EMB: variants seen among roughly 807,000 people sequenced by gnomAD.
EMB encodes the protein embigin, also known as embigin homolog.
Under a neutral mutation model 41.4 loss-of-function variants are expected in EMB, and 31 were observed. The ratio of observed to expected loss-of-function variants is 0.75; its 90% CI spans 0.56 to 1.01. EMB has a LOEUF of 1.01. Among genes scored for constraint, EMB ranks in the 50% least tolerant of loss-of-function variants. The pLI, the probability that EMB is intolerant of heterozygous loss-of-function variation, is 0.00. For synonymous variants in EMB, 137 were observed against 140.4 expected, an observed-to-expected ratio of 0.98 and a Z score of 0.17; for missense variants, 379 against 388.3, an observed-to-expected ratio of 0.98 and a Z score of 0.20.
chr5:50,422,560 A>G (rs935291192), intron 2 of EMB, among the ~76,000 whole-genome samples: 1 of 152,230 alleles, frequency 6.6e-6, no homozygotes, highest in African/African-American at 2.4e-5. Flanking sequence ...GCTGGCTAAC[A>G]GTACAAAATA....
chr5:50,440,738 C>A (rs1417982060), intron 1 of EMB, among the ~76,000 whole-genome samples: 3 of 152,060 alleles, frequency 2.0e-5, no homozygotes, highest in African/African-American at 7.2e-5. Context: ...CCACTGCCTT[C>A]TTCCTAGGAA....
Position 50,398,548 on chromosome 5 carries a change from T to C in EMB, c.*725A>G, listed in dbSNP as rs1273046310. 6.6e-6 allele frequency: 1 copy of C among 152,044 alleles called. No homozygotes were observed. The highest frequency in any genetic ancestry group is 1.5e-5 in the Non-Finnish European group (1 of 67,988). 9.4% of individuals were successfully genotyped at this position (152,044 alleles called of 1,614,324 possible). A position where few individuals can be genotyped will look rare whatever the true frequency, so the allele number is the denominator to read the frequency against. On this transcript the variant is annotated 3_prime_UTR_variant, in exon 9 of 9. Coordinates refer to ENST00000303221, the MANE Select transcript of EMB (RefSeq NM_198449.3). ...AAAACATAAACAATGGTGTACCTTA[T>C]GAAGTTAAAAACCCTATTTAAGACT...
chr5:50,437,523 T>C (rs972198342), intron 1 of EMB, among the ~76,000 whole-genome samples: 1 of 152,192 alleles, frequency 6.6e-6, no homozygotes, highest in Non-Finnish European at 1.5e-5. Context: ...TGGGTACTCA[T>C]GAATTCCCAT....
chr5:50,432,045 A>C (rs1745728653), intron 1 of EMB, among the ~76,000 whole-genome samples: 1 of 152,226 alleles, frequency 6.6e-6, no homozygotes, highest in Non-Finnish European at 1.5e-5. Flanking sequence ...AAAGGTATTA[A>C]GGTAACATTT....
intron 2 of EMB, among the ~76,000 whole-genome samples, chr5:50,423,136 A>G (rs1252021571): frequency 1.3e-5 from 2 of 152,094 alleles, no homozygotes; most frequent in Non-Finnish European, 2.9e-5. Context: ...ATGCAATATG[A>G]CTAGATCTCC....
At chr5:50,415,311 CA>C (rs1192564915) in intron 2 of EMB, among the ~76,000 whole-genome samples, 1 of 152,044 alleles carries the variant, frequency 6.6e-6, no homozygotes, top group East Asian at 1.9e-4. Flanking sequence ...GCAATTTAAG[CA>C]AAACTCAAAT....
At chr5:50,427,719 TC>T (rs1211389149) in intron 2 of EMB, among the ~76,000 whole-genome samples, 1 of 152,076 alleles carries the variant, frequency 6.6e-6, no homozygotes, top group African/African-American at 2.4e-5. Context: ...ATGTTGGAGT[TC>T]CTTGCTTGCT....
At chr5:50,406,415 T>C (rs184033745) in intron 4 of EMB, among the ~76,000 whole-genome samples, 2 of 150,898 alleles carry the variant, frequency 1.3e-5, no homozygotes, top group Non-Finnish European at 3.0e-5. Flanking sequence ...TTTTGTAAAA[T>C]ATATATATAT....
intron 6 of EMB, among the ~76,000 whole-genome samples, chr5:50,402,617 G>A (rs112624623): frequency 2.6e-5 from 4 of 151,870 alleles, no homozygotes; most frequent in East Asian, 1.9e-4. Flanking sequence ...AATACAGGAC[G>A]TAAGGTCAAT....
upstream of EMB, chr5:50,442,858 G>A (rs757298517): frequency 2.6e-5 from 4 of 152,108 alleles, no homozygotes; most frequent in Non-Finnish European, 5.9e-5. Context: ...TTCCCAGTTA[G>A]TCTCATAAAA....
intron 1 of EMB, 156 bp from the exon 2 acceptor site, chr5:50,428,383 G>T: frequency 8.2e-7 from 1 of 1,218,236 alleles, no homozygotes; most frequent in African/African-American, 1.6e-5. Context: ...GACATTTAGA[G>T]ATATATTAGG....
intron 2 of EMB, among the ~76,000 whole-genome samples, chr5:50,420,531 C>A (rs897548030): frequency 3.3e-4 from 51 of 152,326 alleles, no homozygotes; most frequent in African/African-American, 1.2e-3. Context: ...TACAACACTG[C>A]TAACAACAGA....
intron 2 of EMB, among the ~76,000 whole-genome samples, chr5:50,412,627 C>CTTTTTTTTTTTTTTTT (rs1561133930): frequency 6.6e-6 from 1 of 151,654 alleles, no homozygotes; most frequent in African/African-American, 2.4e-5. Flanking sequence ...TAAGCCCCCA[C>CTTTTTTTTTTTTTTTT]TTTTAACTGG....
Position 50,441,228 on chromosome 5 carries a change from G to T in EMB, c.-77C>A. Reference sequence around the variant, plus strand: ...CGCCGCGGGTGTCCAGAGTCCCTGCGCACACTCGCAGGTGGCCCGGCGCTC... The same window carrying T: ...CGCCGCGGGTGTCCAGAGTCCCTGCTCACACTCGCAGGTGGCCCGGCGCTC... On this transcript the variant is annotated 5_prime_UTR_variant, in exon 1 of 9. Coordinates refer to ENST00000303221, the MANE Select transcript of EMB (RefSeq NM_198449.3). 2 of 897,796 alleles carry T rather than the reference G, an allele frequency of 2.2e-6. No homozygotes were observed. Among genetic ancestry groups the T allele is most frequent in the Non-Finnish European group, 3.0e-6 (2 of 667,262 alleles). 55.6% of individuals were successfully genotyped at this position (897,796 alleles called of 1,614,324 possible). A position where few individuals can be genotyped will look rare whatever the true frequency, so the allele number is the denominator to read the frequency against.
intron 4 of EMB, among the ~76,000 whole-genome samples, chr5:50,406,517 GA>G (rs969798275): frequency 2.6e-5 from 4 of 150,946 alleles, no homozygotes; most frequent in Admixed American, 6.6e-5. Flanking sequence ...ACTGAATTTA[GA>G]AAAAAAATAA....
chr5:50,438,215 TAATTACTTGGGCAATTAAGC>T (rs1205883554), intron 1 of EMB, among the ~76,000 whole-genome samples: 3 of 152,228 alleles, frequency 2.0e-5, no homozygotes, highest in African/African-American at 7.2e-5. Context: ...TAAGTATGTG[TAATTACTTGGGCAATTAAGC>T]AATTACTTGG....
intron 6 of EMB, 97 bp downstream of exon 6, chr5:50,403,081 T>C: frequency 1.8e-6 from 2 of 1,141,604 alleles, no homozygotes; most frequent in Non-Finnish European, 2.4e-6. Context: ...GTCATTGCAA[T>C]GTATCAAATC....
intron 2 of EMB, among the ~76,000 whole-genome samples, chr5:50,426,283 C>A (rs1399465061): frequency 6.6e-6 from 1 of 152,162 alleles, no homozygotes; most frequent in Non-Finnish European, 1.5e-5. Context: ...GCCTCTCTTT[C>A]CTCACCTGCA....
intron 2 of EMB, among the ~76,000 whole-genome samples, chr5:50,413,848 G>GCCA (rs1745384439): frequency 6.6e-6 from 1 of 152,130 alleles, no homozygotes; most frequent in African/African-American, 2.4e-5. Context: ...AAAGTGATGA[G>GCCA]CCACCGCACC....
Sources: gnomAD v4.1 joint callset for allele counts (sites outside exome capture counted in the v4.1 genomes callset) on GRCh38, gnomAD v4.1.1 for gene constraint, MANE v1.5 for transcripts, NCBI Gene and HGNC (gene_info 2026-07-23, HGNC 2026-07-21) for gene names.